The following CTNNA2 variants were observed in gnomAD, a reference collection of about 807,000 sequenced individuals.
CTNNA2 encodes catenin alpha 2.
CTNNA2 carries 42 observed loss-of-function variants against 101.0 expected under a neutral mutation model. That is an observed-to-expected ratio of 0.42 (90% confidence interval 0.32 to 0.54). CTNNA2 has a LOEUF of 0.54. Among genes scored for constraint, CTNNA2 ranks in the 20% least tolerant of loss-of-function variants. The pLI, the probability that CTNNA2 is intolerant of heterozygous loss-of-function variation, is 0.14. For synonymous variants in CTNNA2, 450 were observed against 456.4 expected, an observed-to-expected ratio of 0.99 and a Z score of 0.18; for missense variants, 871 against 1,223.1, an observed-to-expected ratio of 0.71 and a Z score of 4.29.
chr2:80,287,992 A>C (rs115852945), intron 7 of CTNNA2, among the ~76,000 whole-genome samples: 3 of 152,280 alleles, frequency 2.0e-5, no homozygotes, highest in African/African-American at 7.2e-5. Context: ...TTAATGACTT[A>C]ATTGCCTCTT....
At chr2:80,313,379 A>G in intron 7 of CTNNA2, 1 of 1,344,704 alleles carries the variant, frequency 7.4e-7, no homozygotes, top group Non-Finnish European at 9.6e-7. Context: ...TTACCCGATG[A>G]GAAGCAGAGT....
intron 7 of CTNNA2, among the ~76,000 whole-genome samples, chr2:80,057,954 A>G (rs1354993441): frequency 6.6e-6 from 1 of 152,238 alleles, no homozygotes; most frequent in East Asian, 1.9e-4. Flanking sequence ...ACTAAAAATG[A>G]GAACAAAAAA....
At chr2:80,088,183 C>T (rs1341339825) in intron 7 of CTNNA2, among the ~76,000 whole-genome samples, 2 of 151,940 alleles carry the variant, frequency 1.3e-5, no homozygotes, top group Admixed American at 6.6e-5. Flanking sequence ...AAATAAAATT[C>T]CTGGTTAAGC....
intron 9 of CTNNA2, among the ~76,000 whole-genome samples, chr2:80,420,726 G>C (rs1299604634): frequency 1.3e-5 from 2 of 152,082 alleles, no homozygotes; most frequent in African/African-American, 2.4e-5. Context: ...AGCACTGCAG[G>C]TGCCTCGGGC....
chr2:80,224,477 C>T (rs553373848), intron 7 of CTNNA2, among the ~76,000 whole-genome samples: 20 of 152,204 alleles, frequency 1.3e-4, no homozygotes, highest in African/African-American at 4.6e-4. Flanking sequence ...TGGAGTGTCG[C>T]TCTGTCGCCC....
Position 79,614,736 on chromosome 2 carries a change from A to G in CTNNA2, c.-5-36816A>G, listed in dbSNP as rs1678506105. 4.6e-5 allele frequency among the ~76,000 whole-genome samples: 7 copies of G among 152,214 alleles called. No homozygotes were observed. The South Asian group carries it at 1.5e-3, about 32-fold the overall frequency. On this transcript the variant is annotated intron_variant, in intron 1 of 18. Transcript: ENST00000402739. ...CTCTTCATATGCAAAATGTTTTTAT[A>G]TTTTCTGTAGAAAAAATAGAATGAC...
intron 17 of CTNNA2, among the ~76,000 whole-genome samples, chr2:80,616,069 GC>G (rs1188949370): frequency 6.6e-6 from 1 of 151,590 alleles, no homozygotes; most frequent in African/African-American, 2.4e-5. Context: ...CTTCATCTGT[GC>G]AGATGCCTTG....
rs1222975096 is a variant in CTNNA2 at position 79,982,330 on chromosome 2, C to CATATATAACACAT, written c.1056+72538_1056+72539insTAACACATATATA. Among the ~76,000 whole-genome samples the CATATATAACACAT allele has an allele frequency of 1.5e-4, 19 of 129,546 alleles. 1 individual carries two copies. In the South Asian group the frequency reaches 4.6e-3, roughly 31 times the overall value. 85.0% of individuals were successfully genotyped at this position (129,546 alleles called of 152,430 possible). ...AAACATATATAACATATATAACACA[C>CATATATAACACAT]ATATAAAACATATATAACCTATATA... On this transcript the variant is annotated intron_variant, in intron 7 of 18. Coordinates refer to ENST00000402739, the MANE Select transcript of CTNNA2 (RefSeq NM_001282597.3).
At chr2:79,300,477 A>G (rs937824378) in intron 2 of CTNNA2, among the ~76,000 whole-genome samples, 4 of 152,162 alleles carry the variant, frequency 2.6e-5, no homozygotes, top group African/African-American at 7.2e-5. Context: ...TCTCTCTCCA[A>G]TGGGGAAGGA....
At chr2:79,860,421 G>A (rs1473398918) in intron 4 of CTNNA2, among the ~76,000 whole-genome samples, 2 of 152,086 alleles carry the variant, frequency 1.3e-5, no homozygotes, top group Non-Finnish European at 2.9e-5. Flanking sequence ...GGTACCAGTT[G>A]CCTCCTGCAG....
chr2:79,188,276 T>C (rs532276454), intron 1 of CTNNA2, among the ~76,000 whole-genome samples: 1 of 151,868 alleles, frequency 6.6e-6, no homozygotes, highest in Non-Finnish European at 1.5e-5. Context: ...TGATGAAGTT[T>C]TTGTTGCTGG....
At chr2:79,253,912 T>C (rs1434207) in intron 2 of CTNNA2, among the ~76,000 whole-genome samples, 93,610 of 152,084 alleles carry the variant, frequency 0.62, 29,123 homozygotes, top group East Asian at 0.65. Context: ...AGAAAAACAG[T>C]ACATGTATAG....
At chr2:79,958,786 T>TC (rs1195310728) in intron 7 of CTNNA2, among the ~76,000 whole-genome samples, 15 of 149,430 alleles carry the variant, frequency 1.0e-4, no homozygotes, top group East Asian at 2.1e-4. Context: ...TTTTTTTTTC[T>TC]TTTCATAAGA....
intron 4 of CTNNA2, among the ~76,000 whole-genome samples, chr2:79,451,632 G>C (rs1670751250): frequency 6.6e-6 from 1 of 151,878 alleles, no homozygotes; most frequent in South Asian, 2.1e-4. Context: ...CAGCATTCCT[G>C]GGAGAACCAG....
chr2:80,366,715 A>G (rs1674967656), intron 7 of CTNNA2, among the ~76,000 whole-genome samples: 1 of 152,068 alleles, frequency 6.6e-6, no homozygotes, highest in African/African-American at 2.4e-5. Context: ...CAAATCCCTC[A>G]GGCATATCGC....
At chr2:79,312,934 C>T (rs552821444) in intron 3 of CTNNA2, 5 of 152,254 alleles carry the variant, frequency 3.3e-5, no homozygotes, top group East Asian at 3.9e-4. Flanking sequence ...CTTAACGCCC[C>T]GTATACAGCT....
chr2:80,611,995 C>G (rs1252850164), intron 17 of CTNNA2, among the ~76,000 whole-genome samples: 1 of 151,448 alleles, frequency 6.6e-6, no homozygotes, highest in Non-Finnish European at 1.5e-5. Context: ...ATATTTGAGT[C>G]AAGTTTGGAG....
At chr2:79,885,597 G>A (rs1453152599) in intron 6 of CTNNA2, among the ~76,000 whole-genome samples, 7 of 152,152 alleles carry the variant, frequency 4.6e-5, no homozygotes, top group African/African-American at 1.7e-4. Flanking sequence ...AGGGAAACTT[G>A]CCCCAGGCCT....
At chr2:79,322,670 T>C (rs57197386) in intron 3 of CTNNA2, among the ~76,000 whole-genome samples, 53,560 of 152,108 alleles carry the variant, frequency 0.35, 9,897 homozygotes, top group Middle Eastern at 0.46. Flanking sequence ...TTTCAAGGTA[T>C]TTTTATTTCC....
Sources: gnomAD v4.1 joint callset for allele counts (sites outside exome capture counted in the v4.1 genomes callset) on GRCh38, gnomAD v4.1.1 for gene constraint, MANE v1.5 for transcripts, NCBI Gene and HGNC (gene_info 2026-07-23, HGNC 2026-07-21) for gene names.